HECTD4: variants seen among roughly 807,000 people sequenced by gnomAD.
HECTD4 encodes the protein probable E3 ubiquitin-protein ligase HECTD4.
A neutral mutation model predicts 471.5 loss-of-function variants in HECTD4; 114 were observed. The ratio of observed to expected loss-of-function variants is 0.24; its 90% CI spans 0.21 to 0.28. The LOEUF is 0.28. Among genes scored for constraint, HECTD4 ranks in the 10% least tolerant of loss-of-function variants. The probability of loss-of-function intolerance (pLI) is 1.00; values close to 1 mark genes in which losing one functional copy is unlikely to be tolerated. For missense variants in HECTD4, 3,866 were observed against 5,651.5 expected (o/e 0.68, Z 10.13); for synonymous variants, 2,012 against 2,256.0 (o/e 0.89, Z 3.07).
intron 11 of HECTD4, among the ~76,000 whole-genome samples, chr12:112,271,071 G>T (rs1200780878): frequency 6.6e-6 from 1 of 151,774 alleles, no homozygotes; most frequent in Non-Finnish European, 1.5e-5. Flanking sequence ...TCTACTTTTT[G>T]CTTTTTCAAA....
intron 72 of HECTD4, 126 bp downstream of exon 72, chr12:112,167,191 C>T (rs2031001903): frequency 3.8e-6 from 3 of 784,524 alleles, no homozygotes; most frequent in Non-Finnish European, 6.2e-6. Context: ...TGGCTCACAC[C>T]CCTAAGGTCC....
In HECTD4 at chr12:112,167,516, C is replaced by T; in HGVS notation, c.12335G>A (p.Ser4112Asn). 1 of 1,602,528 alleles carries T rather than the reference C, an allele frequency of 6.2e-7. No individual in the cohort carries two copies. ...CTGCTCCTCCCCGTAGGTGATGGGG[C>T]TCGGGGTCAGGATATACTTGCCCTG... is the stretch of plus-strand genomic sequence containing the variant. ...KNKGKYILTP[S>N]PITYGEEQLL... The change falls in exon 72 of 76, where the codon AGC (serine) becomes AAC (asparagine). Residue 4112 changes from serine (S) to asparagine (N), a missense_variant. This residue lies in a region of HECTD4 where 715 missense variants were observed against 1,087.6 expected (regional missense o/e 0.66). Transcript: ENST00000682272.
intron 58 of HECTD4, 95 bp downstream of exon 58, chr12:112,192,966 A>G: frequency 6.9e-7 from 1 of 1,456,176 alleles, no homozygotes; most frequent in Non-Finnish European, 9.5e-7. Flanking sequence ...GCATTAAAGA[A>G]TCAGTGATTT....
In HECTD4 at chr12:112,283,838, G is replaced by C. The variant is rs2034693256; in HGVS notation, c.1336-536C>G. On this transcript the variant is annotated intron_variant, in intron 7 of 75. Coordinates refer to ENST00000682272, the MANE Select transcript of HECTD4 (RefSeq NM_001388303.1). ...ACTGGATCTTTGCTGGTGCTTTGCAGTTCTTTCATTCATCACTTGGTTATT... is the reference window on the plus strand; with the variant it reads ...ACTGGATCTTTGCTGGTGCTTTGCACTTCTTTCATTCATCACTTGGTTATT... Among the ~76,000 whole-genome samples the C allele has an allele frequency of 2.0e-5, 3 of 152,100 alleles. No individual in the cohort carries two copies. The South Asian group carries it at 6.2e-4, about 32-fold the overall frequency.
At chr12:112,195,904 G>A (rs1047674398) in intron 55 of HECTD4, among the ~76,000 whole-genome samples, 3 of 152,232 alleles carry the variant, frequency 2.0e-5, no homozygotes, top group Non-Finnish European at 4.4e-5. Flanking sequence ...GCTTACACCT[G>A]TAATTCTAGC....
At position 112,239,326 on chromosome 12, in the gene HECTD4, G is replaced by T; in HGVS notation, c.5106-90C>A. 1 of 1,095,712 alleles carries T rather than the reference G, an allele frequency of 9.1e-7. No individual in the cohort carries two copies. The highest frequency in any genetic ancestry group is 1.3e-6 in the Non-Finnish European group (1 of 780,962). 67.9% of individuals were successfully genotyped at this position (1,095,712 alleles called of 1,614,324 possible). On this transcript the variant is annotated intron_variant, in intron 33 of 75. Transcript: ENST00000682272. The surrounding 1 kb of genome is among the most constrained non-coding windows in gnomAD (Gnocchi z 4.9). Reference sequence around the variant, plus strand: ...TGAGGTTCAAAGGGGCATAAAACATGCTGGTGCAGCTCTTTCCCTACAACT... The same window carrying T: ...TGAGGTTCAAAGGGGCATAAAACATTCTGGTGCAGCTCTTTCCCTACAACT...
At chr12:112,371,208 C>T (rs1399863864) in intron 1 of HECTD4, among the ~76,000 whole-genome samples, 1 of 152,082 alleles carries the variant, frequency 6.6e-6, no homozygotes, top group Non-Finnish European at 1.5e-5. Context: ...CTTAGGTATA[C>T]AATTGGAGAA....
At chr12:112,223,914 A>T (rs1404077170) in intron 44 of HECTD4, among the ~76,000 whole-genome samples, 1 of 152,190 alleles carries the variant, frequency 6.6e-6, no homozygotes, top group African/African-American at 2.4e-5. Flanking sequence ...ATATTTTAAA[A>T]TTTAAAAATT....
chr12:112,301,385 C>G (rs556165197), intron 7 of HECTD4, among the ~76,000 whole-genome samples: 1 of 144,446 alleles, frequency 6.9e-6, no homozygotes, highest in Non-Finnish European at 1.5e-5. Context: ...GGTTTCACCA[C>G]GTTGGCCAGG....
At chr12:112,292,551 C>A (rs1328540251) in intron 7 of HECTD4, among the ~76,000 whole-genome samples, 1 of 152,166 alleles carries the variant, frequency 6.6e-6, no homozygotes, top group Non-Finnish European at 1.5e-5. Flanking sequence ...TACTACCTGG[C>A]ATGTAGAAGG....
Position 112,228,542 on chromosome 12 carries a change from A to T in HECTD4, c.6684+105T>A. On this transcript the variant is annotated intron_variant, in intron 42 of 75. Transcript: ENST00000682272. This position sits in a 1 kb window ranked among gnomAD's most constrained non-coding sequence, Gnocchi z 4.9. ...TAAATATACATCACAAGTACAATTT[A>T]AGATAATCAAGCATTTGTGCTTCTG... 9.7e-7 allele frequency: 1 copy of T among 1,033,258 alleles called. No homozygotes were observed. Among genetic ancestry groups the T allele is most frequent in the Non-Finnish European group, 1.4e-6 (1 of 723,168 alleles). The allele number at this position is 1,033,258 out of a possible 1,614,324, so 64.0% of individuals were successfully genotyped here. A position where few individuals can be genotyped will look rare whatever the true frequency, so the allele number is the denominator to read the frequency against.
rs1364117923 is a variant in HECTD4 at position 112,200,745 on chromosome 12, C to T, written c.8460G>A (p.Val2820=). 1 of 1,613,794 alleles carries T rather than the reference C, an allele frequency of 6.2e-7. No individual in the cohort carries two copies. The highest frequency in any genetic ancestry group is 1.3e-5 in the African/African-American group (1 of 74,896). Residue 2820 remains valine, a synonymous_variant, in exon 55 of 76, where the codon GTG becomes GTA. Transcript: ENST00000682272. ...ACATGTCAATAGGATACCAGTATCGCACCAGCACACCTTCACTGCGGAGGT... is the reference window on the plus strand; with the variant it reads ...ACATGTCAATAGGATACCAGTATCGTACCAGCACACCTTCACTGCGGAGGT... The part of the protein sequence containing the change: ...ETYLRSEGVL[V]RYWYPIDMLE...
chr12:112,221,946 C>T lies in HECTD4; in HGVS notation c.6971-2457G>A, dbSNP rs1377184679. Among the ~76,000 whole-genome samples the T allele has an allele frequency of 8.7e-5, 12 of 137,612 alleles. No individual in the cohort carries two copies. The East Asian group carries it at 8.8e-4, about 10-fold the overall frequency. 90.3% of individuals were successfully genotyped at this position (137,612 alleles called of 152,430 possible). On this transcript the variant is annotated intron_variant, in intron 44 of 75. Coordinates refer to ENST00000682272, the MANE Select transcript of HECTD4 (RefSeq NM_001388303.1). ...ATTTTTCTTTTTTTTTTTTTTGAGA[C>T]GGAGTCTCACTGTGTCACCCAGGCT...
chr12:112,247,491 A>G lies in HECTD4; in HGVS notation c.4308T>C (p.Asn1436=). ...GTGATAGGACCATGTTTTCAAGATC[A>G]TTCCCATCAAAGGAGACTTCCTTCA... is the stretch of plus-strand genomic sequence containing the variant. ...CSMKEVSFDG[N]DLENMVLSLR... The change falls in exon 28 of 76, where the codon AAT becomes AAC. Residue 1436 remains asparagine (N), a synonymous_variant. Coordinates refer to ENST00000682272, the MANE Select transcript of HECTD4 (RefSeq NM_001388303.1). 6.5e-7 allele frequency: 1 copy of G among 1,542,552 alleles called. No individual in the cohort carries two copies. The highest frequency in any genetic ancestry group is 8.8e-7 in the Non-Finnish European group (1 of 1,140,764).
chr12:112,346,156 G>C (rs1254528029), intron 1 of HECTD4, among the ~76,000 whole-genome samples: 1 of 152,144 alleles, frequency 6.6e-6, no homozygotes, highest in Non-Finnish European at 1.5e-5. Context: ...CATTGGCCAA[G>C]GTTACCTCAC....
Position 112,163,410 on chromosome 12 carries a change from A to G in HECTD4, c.12897+132T>C. 1 of 1,028,764 alleles carries G rather than the reference A, an allele frequency of 9.7e-7. No homozygotes were observed. The highest frequency in any genetic ancestry group is 1.4e-6 in the Non-Finnish European group (1 of 711,458). The allele number at this position is 1,028,764 out of a possible 1,614,324, so 63.7% of individuals were successfully genotyped here. On this transcript the variant is annotated intron_variant, in intron 74 of 75. Coordinates refer to ENST00000682272, the MANE Select transcript of HECTD4 (RefSeq NM_001388303.1). The surrounding 1 kb of genome is among the most constrained non-coding windows in gnomAD (Gnocchi z 8.2). ...GCACAGGGAGATGACAATGATGACA[A>G]TGATACAGGTCTGTGGCAAGGACAG...
chr12:112,348,289 AG>A (rs2036193109), intron 1 of HECTD4, among the ~76,000 whole-genome samples: 1 of 152,202 alleles, frequency 6.6e-6, no homozygotes, highest in Non-Finnish European at 1.5e-5. Context: ...CGACCTCTAA[AG>A]CAAGAGGTGA....
chr12:112,381,648 C>A lies in HECTD4; in HGVS notation c.177+304G>T, dbSNP rs563761282. Among the ~76,000 whole-genome samples, 1 of 152,194 alleles carries A rather than the reference C, an allele frequency of 6.6e-6. No individual in the cohort carries two copies. The highest frequency in any genetic ancestry group is 1.9e-4 in the East Asian group (1 of 5,156). The stretch of plus-strand genomic sequence containing the variant: ...GGCCCGGGTGGTGGCGGTGGCTCCT[C>A]TGGGGCATGAAGGCCGAGCCAGGCG... On this transcript the variant is annotated intron_variant, in intron 1 of 75. Transcript: ENST00000682272. This position sits in a 1 kb window ranked among gnomAD's most constrained non-coding sequence, Gnocchi z 4.1.
chr12:112,165,765 C>T (rs917273691), intron 72 of HECTD4, among the ~76,000 whole-genome samples: 24 of 152,338 alleles, frequency 1.6e-4, no homozygotes, highest in African/African-American at 2.9e-4. Flanking sequence ...TACAGGCTGT[C>T]GCCTCCCCAC....
Sources: allele counts gnomAD v4.1 joint callset (sites outside exome capture counted in the v4.1 genomes callset), GRCh38; gene constraint gnomAD v4.1.1; regional missense constraint gnomAD v4.1.1; non-coding constraint Gnocchi (gnomAD v3.1); transcripts MANE v1.5; gene names NCBI Gene and HGNC (gene_info 2026-07-23, HGNC 2026-07-21).